Variants in SUSD1 observed in about 807,000 individuals in gnomAD.
SUSD1 encodes sushi domain containing 1, also known as sushi domain-containing protein 1.
SUSD1 carries 65 observed loss-of-function variants against 86.9 expected under a neutral mutation model. The observed-to-expected ratio is 0.75, with a 90% CI of 0.61 to 0.92. SUSD1 has a LOEUF of 0.92. Among genes scored for constraint, SUSD1 ranks in the 40% least tolerant of loss-of-function variants. The pLI is 0.00. For synonymous variants in SUSD1, 346 were observed against 350.0 expected (o/e 0.99, Z 0.13); for missense variants, 850 against 929.7 (o/e 0.91, Z 1.11).
intron 10 of SUSD1, among the ~76,000 whole-genome samples, chr9:112,090,258 G>A (rs796127077): frequency 4.5e-4 from 68 of 152,190 alleles, no homozygotes; most frequent in African/African-American, 1.6e-3. Flanking sequence ...AAACTTAGAC[G>A]AAATAGGTAA....
At chr9:112,111,219 C>T (rs1831082935) in intron 8 of SUSD1, among the ~76,000 whole-genome samples, 1 of 152,106 alleles carries the variant, frequency 6.6e-6, no homozygotes, top group Admixed American at 6.5e-5. Flanking sequence ...GTCTGGAACT[C>T]CTGACCTCAA....
intron 10 of SUSD1, among the ~76,000 whole-genome samples, chr9:112,096,497 G>T (rs892761361): frequency 6.6e-6 from 1 of 152,062 alleles, no homozygotes; most frequent in Admixed American, 6.6e-5. Flanking sequence ...GGGACTTCAT[G>T]CCTTTACATT....
chr9:112,142,482 G>A lies in SUSD1; in HGVS notation c.544C>T (p.Pro182Ser), dbSNP rs747392731. ...ATATAGCCATCTGGAACCTCAGGAG[G>A]GGTACCACAGTCTATTTCTGAAAAT... ...TSCTEIDCGTPPEVPDGYIIG... is the reference protein window; with the variant it reads ...TSCTEIDCGTSPEVPDGYIIG... Residue 182 changes from proline to serine, a missense_variant, in exon 5 of 17, where the codon CCT becomes TCT. Transcript: ENST00000374270. 3.0e-5 allele frequency: 49 copies of A among 1,608,132 alleles called. No homozygotes were observed. Among genetic ancestry groups the A allele is most frequent in the Non-Finnish European group, 4.2e-5 (49 of 1,178,800 alleles).
chr9:112,142,911 G>A lies in SUSD1; in HGVS notation c.527-412C>T, dbSNP rs141336933. On this transcript the variant is annotated intron_variant, in intron 4 of 16. Coordinates refer to ENST00000374270, the MANE Select transcript of SUSD1 (RefSeq NM_022486.5). ...ACTATCTAACATAGTAGTTAATATC[G>A]GAATATCTATTAACTGCTAATAAAA... Among the ~76,000 whole-genome samples, 701 of 141,858 alleles carry A rather than the reference G, an allele frequency of 4.9e-3. 4 individuals are homozygous for A. The highest frequency in any genetic ancestry group is 0.017 in the African/African-American group (637 of 38,462). 93.1% of individuals were successfully genotyped at this position (141,858 alleles called of 152,430 possible). A position where few individuals can be genotyped will look rare whatever the true frequency, so the allele number is the denominator to read the frequency against.
intron 5 of SUSD1, among the ~76,000 whole-genome samples, chr9:112,132,728 T>C (rs1832084442): frequency 6.6e-6 from 1 of 152,254 alleles, no homozygotes; most frequent in African/African-American, 2.4e-5. Context: ...TTATACCCTG[T>C]ATTTTTAAAT....
chr9:112,163,823 A>AC (rs11431718), intron 1 of SUSD1, among the ~76,000 whole-genome samples: 25,577 of 151,694 alleles, frequency 0.17, 2,483 homozygotes, highest in East Asian at 0.28. Context: ...ACATGGTGAA[A>AC]CCTGTCTCTA....
rs1413215173 is a variant in SUSD1 at position 112,058,452 on chromosome 9, T to C, written c.2085A>G (p.Leu695=). Residue 695 remains leucine, a synonymous_variant, in exon 14 of 17, where the codon TTA becomes TTG. Transcript: ENST00000374270. ...LKRGSDYCII[L]RITSEWNKVR... is the part of the protein sequence containing the mutation. ...CCTTATTCCATTCACTTGTGATTCG[T>C]AATATAATGCAGTAATCACTCCCTC... The C allele has an allele frequency of 3.1e-6, 5 of 1,614,104 alleles. No homozygotes were observed. In the Admixed American group the frequency reaches 8.3e-5, roughly 27 times the overall value.
chr9:112,102,091 TA>T, intron 9 of SUSD1, 84 bp downstream of exon 9: 1 of 671,424 alleles, frequency 1.5e-6, no homozygotes, highest in Non-Finnish European at 2.5e-6. Context: ...CATTCATTTT[TA>T]AATACTTTGG....
chr9:112,156,207 TA>T (rs1441553717), intron 2 of SUSD1, among the ~76,000 whole-genome samples: 1 of 151,560 alleles, frequency 6.6e-6, no homozygotes, highest in Non-Finnish European at 1.5e-5. Context: ...CTGACGCTTG[TA>T]ATCCCAGCAC....
intron 9 of SUSD1, among the ~76,000 whole-genome samples, chr9:112,099,437 G>A (rs1830534973): frequency 6.6e-6 from 1 of 150,456 alleles, no homozygotes; most frequent in South Asian, 2.1e-4. Context: ...CCTACCCATG[G>A]AAGAAAAAAA....
At chr9:112,167,697 T>C (rs1351663846) in intron 1 of SUSD1, among the ~76,000 whole-genome samples, 1 of 152,174 alleles carries the variant, frequency 6.6e-6, no homozygotes, top group Non-Finnish European at 1.5e-5. Context: ...ATCTGTAAAA[T>C]GAGAAGAATA....
intron 16 of SUSD1, among the ~76,000 whole-genome samples, 185 bp from the exon 17 acceptor site, chr9:112,041,677 A>G (rs12553171): frequency 0.16 from 24,087 of 152,000 alleles, 1,970 homozygotes; most frequent in African/African-American, 0.2. Flanking sequence ...TTTTCCTGGG[A>G]AGGCATCCCC....
At chr9:112,173,801 C>A (rs1834149352) in intron 1 of SUSD1, 3 of 278,886 alleles carry the variant, frequency 1.1e-5, no homozygotes, top group Admixed American at 3.5e-5. Context: ...TGTCGCCCTG[C>A]ATCTTCTTTA....
rs1832745560 is a variant in SUSD1, at chr9:112,144,962, T to G, written c.374-1339A>C. Among the ~76,000 whole-genome samples the G allele has an allele frequency of 3.9e-5, 6 of 152,148 alleles. No homozygotes were observed. In the South Asian group the frequency reaches 1.2e-3, roughly 32 times the overall value. ...TTAAAACTTTAAGAATTCCATCAGC[T>G]GGGCATGCCTGGGCATGCCTATGGT... On this transcript the variant is annotated intron_variant, in intron 3 of 16. Transcript: ENST00000374270.
chr9:112,072,165 T>C (rs1372968814), intron 12 of SUSD1, among the ~76,000 whole-genome samples: 1 of 148,608 alleles, frequency 6.7e-6, no homozygotes, highest in Non-Finnish European at 1.5e-5. Context: ...TTGTTTTTTT[T>C]TTTGAGACGG....
chr9:112,149,158 T>A, intron 3 of SUSD1, 86 bp downstream of exon 3: 2 of 1,533,544 alleles, frequency 1.3e-6, no homozygotes, highest in Non-Finnish European at 1.8e-6. Flanking sequence ...AAAACTAACA[T>A]TAATTCCCTA....
intron 6 of SUSD1, among the ~76,000 whole-genome samples, chr9:112,116,286 T>A (rs1442736303): frequency 6.6e-6 from 1 of 152,192 alleles, no homozygotes; most frequent in Non-Finnish European, 1.5e-5. Context: ...GGGACCCAGA[T>A]CCAATTATAG....
At chr9:112,156,475 A>C (rs72763962) in intron 2 of SUSD1, among the ~76,000 whole-genome samples, 8,739 of 151,950 alleles carry the variant, frequency 0.058, 681 homozygotes, top group African/African-American at 0.17. Context: ...AAAAAAAAAA[A>C]TACTCACTGA....
chr9:112,080,803 C>A (rs1589625061), intron 10 of SUSD1, among the ~76,000 whole-genome samples: 1 of 152,012 alleles, frequency 6.6e-6, no homozygotes, highest in East Asian at 1.9e-4. Flanking sequence ...CCTTGTATAC[C>A]CTCATTTATA....
Sources: gnomAD v4.1 joint callset for allele counts (sites outside exome capture counted in the v4.1 genomes callset) on GRCh38, gnomAD v4.1.1 for gene constraint, MANE v1.5 for transcripts, NCBI Gene and HGNC (gene_info 2026-07-23, HGNC 2026-07-21) for gene names.